Variants in EEFSEC observed in about 807,000 individuals in gnomAD.
The protein encoded by EEFSEC is eukaryotic elongation factor, selenocysteine-tRNA specific, also known as selenocysteine-specific elongation factor.
A neutral mutation model predicts 42.1 loss-of-function variants in EEFSEC; 43 were observed. That is an observed-to-expected ratio of 1.02 (90% CI 0.80 to 1.32). The LOEUF is 1.32. Ranked by LOEUF, EEFSEC falls within the 40% of genes most tolerant of loss-of-function variation. The pLI is 0.00. For synonymous variants in EEFSEC, 354 were observed against 339.1 expected, an observed-to-expected ratio of 1.04 and a Z score of -0.48; for missense variants, 745 against 803.6, an observed-to-expected ratio of 0.93 and a Z score of 0.88.
chr3:128,405,642 C>T (rs2068100587), intron 6 of EEFSEC, among the ~76,000 whole-genome samples: 1 of 152,276 alleles, frequency 6.6e-6, no homozygotes, highest in African/African-American at 2.4e-5. Context: ...CCAGGGCCCT[C>T]CGGACTGAAG....
chr3:128,306,227 G>A (rs1465421931), intron 4 of EEFSEC, among the ~76,000 whole-genome samples: 1 of 150,380 alleles, frequency 6.6e-6, no homozygotes, highest in African/African-American at 2.5e-5. Context: ...GAGTTATTCT[G>A]TTATAAGAAT....
intron 1 of EEFSEC, 136 bp from the exon 2 acceptor site, chr3:128,246,700 A>G (rs1278615997): frequency 4.4e-6 from 4 of 910,618 alleles, no homozygotes; most frequent in Non-Finnish European, 6.9e-6. Flanking sequence ...CAGGGCCTGT[A>G]GCCAGAAGCT....
intron 5 of EEFSEC, among the ~76,000 whole-genome samples, chr3:128,355,263 C>G (rs1195324499): frequency 1.3e-5 from 2 of 152,272 alleles, no homozygotes; most frequent in Admixed American, 1.3e-4. Context: ...TGGCCAGGCT[C>G]TCAGAACAGA....
intron 1 of EEFSEC, among the ~76,000 whole-genome samples, chr3:128,190,704 C>T (rs2065514786): frequency 6.6e-6 from 1 of 152,174 alleles, no homozygotes; most frequent in African/African-American, 2.4e-5. Flanking sequence ...TTCACTCAAC[C>T]ACTCACTCAC....
chr3:128,263,088 G>A (rs940497866), intron 3 of EEFSEC, among the ~76,000 whole-genome samples: 5 of 152,152 alleles, frequency 3.3e-5, no homozygotes, highest in Non-Finnish European at 7.3e-5. Flanking sequence ...TAATGTGCTC[G>A]GTACAGTGCC....
chr3:128,390,710 C>G (rs1246053954), intron 6 of EEFSEC, among the ~76,000 whole-genome samples: 1 of 152,184 alleles, frequency 6.6e-6, no homozygotes, highest in Non-Finnish European at 1.5e-5. Flanking sequence ...GGGCCCCTGC[C>G]CTCAGGAGCC....
intron 4 of EEFSEC, among the ~76,000 whole-genome samples, chr3:128,335,730 C>T (rs2067182979): frequency 6.6e-6 from 1 of 152,112 alleles, no homozygotes; most frequent in African/African-American, 2.4e-5. Flanking sequence ...CTTGGAAGAA[C>T]AGGCTGCGGG....
At chr3:128,342,230 G>A (rs1011508749) in intron 5 of EEFSEC, among the ~76,000 whole-genome samples, 1 of 152,238 alleles carries the variant, frequency 6.6e-6, no homozygotes, top group Non-Finnish European at 1.5e-5. Flanking sequence ...AGATGGCAGC[G>A]GTTAGCACTG....
chr3:128,274,878 C>T (rs931219269), intron 4 of EEFSEC, among the ~76,000 whole-genome samples: 7 of 152,210 alleles, frequency 4.6e-5, no homozygotes, highest in Non-Finnish European at 7.3e-5. Context: ...GGGAATGGTT[C>T]TTCCCAAGGG....
intron 1 of EEFSEC, among the ~76,000 whole-genome samples, chr3:128,172,332 A>G (rs999010233): frequency 6.6e-6 from 1 of 152,236 alleles, no homozygotes; most frequent in African/African-American, 2.4e-5. Flanking sequence ...GCCTGGGTCT[A>G]GCGGAAATGC....
intron 4 of EEFSEC, among the ~76,000 whole-genome samples, chr3:128,323,010 T>C (rs2067024973): frequency 6.6e-6 from 1 of 152,198 alleles, no homozygotes; most frequent in African/African-American, 2.4e-5. Context: ...GCTTAACATG[T>C]TTAAAGTATT....
chr3:128,196,319 T>C (rs1425133743), intron 1 of EEFSEC, among the ~76,000 whole-genome samples: 1 of 152,242 alleles, frequency 6.6e-6, no homozygotes, highest in Non-Finnish European at 1.5e-5. Flanking sequence ...ATTTTCTGAT[T>C]CTACTATATA....
intron 1 of EEFSEC, among the ~76,000 whole-genome samples, chr3:128,156,794 C>CTT (rs1288182357): frequency 1.3e-5 from 2 of 152,194 alleles, no homozygotes; most frequent in Admixed American, 1.3e-4. Context: ...TTTTCCCTGT[C>CTT]TGTCTCCCTC....
rs559519908 is a variant in EEFSEC at position 128,190,013 on chromosome 3, C to T, written c.316+36190C>T. ...GAGTAGCTGGGACTACAGGTGCATG[C>T]TGCCATGCCTGGCAAATTTTCTGTA... On this transcript the variant is annotated intron_variant, in intron 1 of 6. Transcript: ENST00000254730. Among the ~76,000 whole-genome samples, 341 of 152,318 alleles carry T rather than the reference C, an allele frequency of 2.2e-3. 1 individual carries two copies. Among genetic ancestry groups the T allele is most frequent in the Non-Finnish European group, 4.1e-3 (279 of 68,022 alleles).
intron 5 of EEFSEC, among the ~76,000 whole-genome samples, chr3:128,354,199 C>G (rs569779476): frequency 1.3e-5 from 2 of 152,126 alleles, no homozygotes; most frequent in Non-Finnish European, 2.9e-5. Context: ...CTCACGGTGC[C>G]TCCCCCACAA....
intron 5 of EEFSEC, among the ~76,000 whole-genome samples, chr3:128,352,026 C>G (rs2067392785): frequency 6.6e-6 from 1 of 152,220 alleles, no homozygotes; most frequent in African/African-American, 2.4e-5. Context: ...AAGGTCTTTC[C>G]TCATTGGATG....
At chr3:128,156,232 C>A (rs573293245) in intron 1 of EEFSEC, among the ~76,000 whole-genome samples, 1 of 152,330 alleles carries the variant, frequency 6.6e-6, no homozygotes, top group South Asian at 2.1e-4. Context: ...GTGGTAACCA[C>A]ACAACTATTT....
the EEFSEC span, among the ~76,000 whole-genome samples, chr3:128,417,940 C>T: frequency 2.6e-5 from 4 of 152,042 alleles, no homozygotes; most frequent in African/African-American, 4.8e-5. This position sits in a 1 kb window ranked among gnomAD's most constrained non-coding sequence, Gnocchi z 4.3. Context: ...AGCCAGGACC[C>T]GGGGGCCTTC....
intron 1 of EEFSEC, among the ~76,000 whole-genome samples, chr3:128,207,566 T>TACACACAC (rs10574435): frequency 7.5e-4 from 107 of 142,582 alleles, no homozygotes; most frequent in South Asian, 1.9e-3. Context: ...ACACATTGCA[T>TACACACAC]ACACACACAC....
Sources: gnomAD v4.1 joint callset for allele counts (sites outside exome capture counted in the v4.1 genomes callset) on GRCh38, gnomAD v4.1.1 for gene constraint, Gnocchi (gnomAD v3.1) non-coding constraint, MANE v1.5 for transcripts, NCBI Gene and HGNC (gene_info 2026-07-23, HGNC 2026-07-21) for gene names.